Variants in SHROOM3 observed in about 807,000 individuals in gnomAD.
The protein encoded by SHROOM3 is protein Shroom3.
A neutral mutation model predicts 138.6 loss-of-function variants in SHROOM3; 47 were observed. The ratio of observed to expected loss-of-function variants is 0.34; its 90% CI spans 0.27 to 0.43. The LOEUF (loss-of-function observed/expected upper bound fraction) is 0.43, where lower values mean the gene tolerates loss of function less well. Ranked by LOEUF, SHROOM3 falls within the 20% of genes least tolerant of loss-of-function variation. SHROOM3 has a pLI of 1.00. For missense variants in SHROOM3, 2,491 were observed against 2,596.5 expected (o/e 0.96, Z 0.88); for synonymous variants, 1,062 against 1,063.3 (o/e 1.00, Z 0.02).
intron 2 of SHROOM3, among the ~76,000 whole-genome samples, chr4:76,618,037 C>T (rs558108684): frequency 5.3e-5 from 8 of 152,320 alleles, no homozygotes; most frequent in South Asian, 2.1e-4. Flanking sequence ...CAGTGGCTCA[C>T]GCCTGTAATC....
At chr4:76,519,585 CA>C (rs909419362) in intron 1 of SHROOM3, among the ~76,000 whole-genome samples, 37 of 152,032 alleles carry the variant, frequency 2.4e-4, no homozygotes, top group African/African-American at 8.7e-4. Flanking sequence ...AGTACTGAAC[CA>C]GAAAAGTAGA....
chr4:76,495,968 G>T (rs1053511991), intron 1 of SHROOM3, among the ~76,000 whole-genome samples: 16 of 152,218 alleles, frequency 1.1e-4, no homozygotes, highest in African/African-American at 3.9e-4. Context: ...AGATAGGAAG[G>T]AATGACTAGT....
At chr4:76,609,218 C>A (rs1393695176) in intron 2 of SHROOM3, among the ~76,000 whole-genome samples, 1 of 152,170 alleles carries the variant, frequency 6.6e-6, no homozygotes. Context: ...TTGAACCTTG[C>A]AAATTCAAGT....
In SHROOM3 at chr4:76,740,319, C is replaced by G. The variant is rs763424390; in HGVS notation, c.2146C>G (p.Leu716Val). ...RKAAPDLGSH[L>V]DRQVSYPRPE... ...AGCCGCTCCTGACCTCGGGAGCCAT[C>G]TGGACCGGCAGGTTTCCTACCCGCG... Residue 716 changes from leucine (L) to valine (V), a missense_variant, in exon 5 of 11, where the codon CTG (leucine) becomes GTG (valine). Transcript: ENST00000296043. This position sits in a 1 kb window ranked among gnomAD's most constrained non-coding sequence, Gnocchi z 4.0. 6.2e-7 allele frequency: 1 copy of G among 1,613,172 alleles called. No homozygotes were observed. The highest frequency in any genetic ancestry group is 1.1e-5 in the South Asian group (1 of 91,086).
chr4:76,713,184 C>T (rs1006952615), intron 3 of SHROOM3, among the ~76,000 whole-genome samples: 7 of 152,170 alleles, frequency 4.6e-5, no homozygotes, highest in Admixed American at 6.5e-5. Context: ...CTATAATTAA[C>T]GTTAGCTTAC....
At chr4:76,697,140 C>T (rs1719763312) in intron 2 of SHROOM3, among the ~76,000 whole-genome samples, 1 of 145,054 alleles carries the variant, frequency 6.9e-6, no homozygotes, top group Non-Finnish European at 1.5e-5. Flanking sequence ...GTTGCCCAGG[C>T]TGGTCTCAAA....
At chr4:76,483,011 A>G (rs1158974423) in intron 1 of SHROOM3, among the ~76,000 whole-genome samples, 4 of 152,224 alleles carry the variant, frequency 2.6e-5, no homozygotes, top group Non-Finnish European at 4.4e-5. Flanking sequence ...AAGATGGATT[A>G]AAGACTTAAA....
At chr4:76,599,744 C>T (rs75567807) in intron 2 of SHROOM3, among the ~76,000 whole-genome samples, 53 of 152,264 alleles carry the variant, frequency 3.5e-4, no homozygotes, top group African/African-American at 1.2e-3. Flanking sequence ...ATACAGTTTC[C>T]TCATGGAGCT....
In SHROOM3 at chr4:76,740,719, A is replaced by G. The variant is rs540798670; in HGVS notation, c.2546A>G (p.Lys849Arg). The G allele has an allele frequency of 1.6e-4, 263 of 1,613,600 alleles. 5 individuals are homozygous for G. The South Asian group carries it at 2.6e-3, about 16-fold the overall frequency. The change falls in exon 5 of 11, where the codon AAA becomes AGA. Residue 849 changes from lysine to arginine, a missense_variant. By Grantham distance (26) the Lys-to-Arg change is conservative. Coordinates refer to ENST00000296043, the MANE Select transcript of SHROOM3 (RefSeq NM_020859.4). This position sits in a 1 kb window ranked among gnomAD's most constrained non-coding sequence, Gnocchi z 4.0. Reference sequence around the variant, plus strand: ...CTAGGCAACGGGGAGCAGCACTTCAAAAACGGGGAGCTGAAGTTGGAAGAG... The same window carrying G: ...CTAGGCAACGGGGAGCAGCACTTCAGAAACGGGGAGCTGAAGTTGGAAGAG... ...EPLGNGEQHF[K>R]NGELKLEEAS...
chr4:76,648,270 A>G (rs1471035406), intron 2 of SHROOM3, among the ~76,000 whole-genome samples: 2 of 152,190 alleles, frequency 1.3e-5, no homozygotes, highest in African/African-American at 2.4e-5. Flanking sequence ...TGAGGCTGCA[A>G]TGAACTATGA....
chr4:76,559,933 G>C (rs1449004823), intron 2 of SHROOM3, among the ~76,000 whole-genome samples: 1 of 152,216 alleles, frequency 6.6e-6, no homozygotes, highest in African/African-American at 2.4e-5. Context: ...TGTGTCTGCT[G>C]CTTGATACAC....
At chr4:76,717,073 T>C (rs1253178433) in intron 3 of SHROOM3, among the ~76,000 whole-genome samples, 2 of 152,234 alleles carry the variant, frequency 1.3e-5, no homozygotes, top group African/African-American at 2.4e-5. Context: ...CTTTCAACAC[T>C]TTTGAAGAAT....
intron 2 of SHROOM3, among the ~76,000 whole-genome samples, chr4:76,707,003 A>G (rs1720075179): frequency 6.6e-6 from 1 of 152,232 alleles, no homozygotes; most frequent in African/African-American, 2.4e-5. Context: ...AAGTAGCCCA[A>G]TAGGCCTGGA....
intron 1 of SHROOM3, among the ~76,000 whole-genome samples, chr4:76,540,514 C>T (rs577210079): frequency 1.3e-4 from 20 of 152,246 alleles, no homozygotes; most frequent in African/African-American, 4.6e-4. Context: ...CAAAATCAAT[C>T]TCATAATGAA....
rs1483372451 is a variant in SHROOM3 at position 76,749,027 on chromosome 4, T to G, written c.3764T>G (p.Leu1255Trp). The G allele has an allele frequency of 6.2e-7, 1 of 1,613,948 alleles. No homozygotes were observed. Among genetic ancestry groups the G allele is most frequent in the South Asian group, 1.1e-5 (1 of 91,062 alleles). Residue 1255 changes from leucine (L) to tryptophan (W), a missense_variant, in exon 6 of 11, where the codon TTG becomes TGG. By Grantham distance (61) the Leu-to-Trp change is moderately conservative. This residue lies in a region of SHROOM3 where 1,733 missense variants were observed against 1,661.6 expected (regional missense o/e 1.04). Transcript: ENST00000296043. ...TTCTTGTGTTTCAAGGATGTGCTTT[T>G]GGGGCAAGACAGTGGCTTTGGTCTT... Reference protein sequence around the residue: ...ATADKRQDVLLGQDSGFGLVK... With the variant: ...ATADKRQDVLWGQDSGFGLVK...
At chr4:76,508,294 C>T (rs1732257551) in intron 1 of SHROOM3, among the ~76,000 whole-genome samples, 1 of 152,178 alleles carries the variant, frequency 6.6e-6, no homozygotes, top group South Asian at 2.1e-4. Context: ...GGCCTAACAT[C>T]ATTTGTTGAA....
In SHROOM3 at chr4:76,465,834, T is replaced by G. The variant is rs1006194866; in HGVS notation, c.168+29614T>G. Among the ~76,000 whole-genome samples the G allele has an allele frequency of 2.6e-5, 4 of 152,344 alleles. No individual in the cohort carries two copies. The South Asian group carries it at 8.3e-4, about 32-fold the overall frequency. On this transcript the variant is annotated intron_variant, in intron 1 of 10. Coordinates refer to ENST00000296043, the MANE Select transcript of SHROOM3 (RefSeq NM_020859.4). ...CTTGGGAAAGCATAATTTCACTTGT[T>G]CCTAATAACTGAAAATGCTTTTTGA... is the stretch of plus-strand genomic sequence containing the variant.
chr4:76,639,122 T>C (rs1240518569), intron 2 of SHROOM3, among the ~76,000 whole-genome samples: 1 of 152,122 alleles, frequency 6.6e-6, no homozygotes, highest in African/African-American at 2.4e-5. Context: ...CTGCTCAATC[T>C]TTGGCTAGTG....
rs1363884605 is a variant in SHROOM3 at position 76,435,894 on chromosome 4, T to C, written c.-159T>C. ...CTGGTTCAGCATCTTGGAGTTCAGC[T>C]TGGAAGAACATTTTACGTATGGAAG... On this transcript the variant is annotated 5_prime_UTR_variant, in exon 1 of 11. Coordinates refer to ENST00000296043, the MANE Select transcript of SHROOM3 (RefSeq NM_020859.4). The C allele has an allele frequency of 1.5e-6, 1 of 649,044 alleles. No homozygotes were observed. The highest frequency in any genetic ancestry group is 2.6e-6 in the Non-Finnish European group (1 of 387,082). 40.2% of individuals were successfully genotyped at this position (649,044 alleles called of 1,614,324 possible). A position where few individuals can be genotyped will look rare whatever the true frequency, so the allele number is the denominator to read the frequency against.
Sources: allele counts gnomAD v4.1 joint callset (sites outside exome capture counted in the v4.1 genomes callset), GRCh38; gene constraint gnomAD v4.1.1; regional missense constraint gnomAD v4.1.1; non-coding constraint Gnocchi (gnomAD v3.1); transcripts MANE v1.5; gene names NCBI Gene and HGNC (gene_info 2026-07-23, HGNC 2026-07-21).